Variants in PDE1C observed in about 807,000 individuals in gnomAD.
PDE1C encodes the protein phosphodiesterase 1C.
Under a neutral mutation model 93.1 loss-of-function variants are expected in PDE1C, and 62 were observed. The observed-to-expected ratio is 0.67, with a 90% CI of 0.54 to 0.82. The LOEUF is 0.82. PDE1C is among the 40% of genes least tolerant of loss of function. The probability of loss-of-function intolerance (pLI) is 0.00; values close to 1 mark genes in which losing one functional copy is unlikely to be tolerated. For missense variants in PDE1C, 742 were observed against 884.6 expected, an observed-to-expected ratio of 0.84 and a Z score of 2.04; for synonymous variants, 325 against 310.1, an observed-to-expected ratio of 1.05 and a Z score of -0.50.
At chr7:32,385,551 C>G (rs1401381127) in intron 1 of PDE1C, among the ~76,000 whole-genome samples, 1 of 152,120 alleles carries the variant, frequency 6.6e-6, no homozygotes, top group Non-Finnish European at 1.5e-5. Flanking sequence ...GAAGAGAGCT[C>G]TCTCACAGAA....
intron 16 of PDE1C, chr7:31,790,068 G>A (rs1033226330): frequency 7.0e-7 from 1 of 1,423,648 alleles, no homozygotes. Context: ...TTCATCCCCT[G>A]GAAGGAGATG....
chr7:32,132,143 A>T (rs2128772421), intron 3 of PDE1C, among the ~76,000 whole-genome samples: 1 of 152,248 alleles, frequency 6.6e-6, no homozygotes, highest in Non-Finnish European at 1.5e-5. Context: ...CAGAGGAAAG[A>T]TTAAATGTAA....
At chr7:31,794,081 C>CAG (rs1213702808) in intron 16 of PDE1C, among the ~76,000 whole-genome samples, 1 of 135,710 alleles carries the variant, frequency 7.4e-6, no homozygotes, top group African/African-American at 2.9e-5. Context: ...GACAGACAGA[C>CAG]AGACAGACAG....
intron 2 of PDE1C, among the ~76,000 whole-genome samples, chr7:31,976,775 A>C (rs548895190): frequency 2.1e-4 from 32 of 152,304 alleles, no homozygotes; most frequent in African/African-American, 7.2e-4. Flanking sequence ...AACATGTTTC[A>C]AAGGTTTCCC....
chr7:32,341,179 T>TTA (rs1370026260), intron 1 of PDE1C, among the ~76,000 whole-genome samples: 1 of 111,496 alleles, frequency 9.0e-6, no homozygotes, highest in Non-Finnish European at 1.9e-5. Context: ...AAGTCTTTTT[T>TTA]TTTTTTTTTT....
chr7:31,913,843 T>A (rs1440180933), intron 2 of PDE1C, among the ~76,000 whole-genome samples: 1 of 152,216 alleles, frequency 6.6e-6, no homozygotes, highest in Non-Finnish European at 1.5e-5. Context: ...TTTCCATCTC[T>A]GCTCTTGAGC....
intron 1 of PDE1C, among the ~76,000 whole-genome samples, chr7:32,241,849 C>T (rs1408129042): frequency 1.3e-5 from 2 of 151,992 alleles, no homozygotes; most frequent in African/African-American, 4.8e-5. Context: ...GATGGGTAGA[C>T]ACAGCAAGTG....
chr7:32,221,624 T>C (rs1806873092), intron 1 of PDE1C, among the ~76,000 whole-genome samples: 1 of 152,194 alleles, frequency 6.6e-6, no homozygotes, highest in South Asian at 2.1e-4. Flanking sequence ...ATAACCCGCA[T>C]TGAAAAGGAA....
chr7:31,973,576 T>TA (rs1305634189), intron 2 of PDE1C, among the ~76,000 whole-genome samples: 3 of 152,330 alleles, frequency 2.0e-5, no homozygotes, highest in Non-Finnish European at 4.4e-5. Flanking sequence ...TATAATGTGT[T>TA]AGATACAAGC....
chr7:31,979,690 A>G (rs1252845940), intron 2 of PDE1C, among the ~76,000 whole-genome samples: 1 of 152,226 alleles, frequency 6.6e-6, no homozygotes, highest in Admixed American at 6.5e-5. Context: ...AAGTAAAAAC[A>G]TTTGCAGGTT....
intron 1 of PDE1C, among the ~76,000 whole-genome samples, chr7:32,372,659 T>G (rs1350318995): frequency 2.6e-5 from 4 of 152,174 alleles, no homozygotes; most frequent in African/African-American, 9.7e-5. Context: ...TTTGCTGTAC[T>G]TCGAAGGACA....
rs549702011 is a variant in PDE1C, at chr7:32,136,108, AG to A, written c.308+33676del. On this transcript the variant is annotated intron_variant, in intron 3 of 18. Coordinates refer to the PDE1C transcript ENST00000396193. ...AGAGAGTAGAATTGTGGTTACCAGG[AG>A]GTAGAGGTGGGGAAAATGGGGATGT... Among the ~76,000 whole-genome samples, 226 of 152,274 alleles carry A rather than the reference AG, an allele frequency of 1.5e-3. 1 individual carries two copies. The highest frequency in any genetic ancestry group is 4.7e-3 in the African/African-American group (197 of 41,572).
chr7:32,285,440 G>A (rs1332646976), intron 1 of PDE1C, among the ~76,000 whole-genome samples: 1 of 151,906 alleles, frequency 6.6e-6, no homozygotes, highest in Non-Finnish European at 1.5e-5. Flanking sequence ...ACCAAAAACT[G>A]GAAACAACCT....
chr7:31,837,992 G>GA, intron 9 of PDE1C, 21 bp from the exon 10 acceptor site: 1 of 1,497,956 alleles, frequency 6.7e-7, no homozygotes, highest in Non-Finnish European at 9.3e-7. Context: ...CAACCATGGA[G>GA]AAAAAAGGAT....
intron 2 of PDE1C, among the ~76,000 whole-genome samples, chr7:32,194,371 A>T (rs187451818): frequency 6.6e-6 from 1 of 152,188 alleles, no homozygotes; most frequent in East Asian, 1.9e-4. Context: ...CTTGTGTTCA[A>T]TCTATTGTTG....
intron 1 of PDE1C, among the ~76,000 whole-genome samples, chr7:32,210,140 G>A (rs1030273707): frequency 2.4e-4 from 37 of 152,270 alleles, no homozygotes; most frequent in Admixed American, 2.0e-3. Flanking sequence ...TACCTCCTAC[G>A]AAAAGTCTCC....
chr7:31,987,395 C>T (rs1783556898), intron 2 of PDE1C, among the ~76,000 whole-genome samples: 4 of 152,204 alleles, frequency 2.6e-5, no homozygotes, highest in Non-Finnish European at 5.9e-5. Context: ...ATCATCCTGC[C>T]TCAGCCTCCA....
At chr7:31,621,940 G>A in the PDE1C span, among the ~76,000 whole-genome samples, 2 of 149,338 alleles carry the variant, frequency 1.3e-5, no homozygotes, top group Non-Finnish European at 3.0e-5. Context: ...ACAAAAAAAG[G>A]CAGGGGTTGC....
rs1368814404 is a variant in PDE1C at position 31,752,425 on chromosome 7, G to T, written c.*959C>A. 12 of 152,096 alleles carry T rather than the reference G, an allele frequency of 7.9e-5. No homozygotes were observed. Among genetic ancestry groups the T allele is most frequent in the African/African-American group, 2.7e-4 (11 of 41,436 alleles). The allele number at this position is 152,096 out of a possible 1,614,324, so 9.4% of individuals were successfully genotyped here. ...TTAGATATGTAGCGTGCTGTGAAGA[G>T]GATCTGAAATGTAACTTAAAGGCAT... On this transcript the variant is annotated 3_prime_UTR_variant, in exon 18 of 18. Transcript: ENST00000396191.
Sources: gnomAD v4.1 joint callset for allele counts (sites outside exome capture counted in the v4.1 genomes callset) on GRCh38, gnomAD v4.1.1 for gene constraint, MANE v1.5 for transcripts, NCBI Gene and HGNC (gene_info 2026-07-23, HGNC 2026-07-21) for gene names.